MROH2A: variants seen among roughly 807,000 people sequenced by gnomAD.
The protein encoded by MROH2A is maestro heat-like repeat-containing protein family member 2A.
Under a neutral mutation model 200.4 loss-of-function variants are expected in MROH2A, and 174 were observed. The observed-to-expected ratio is 0.87, with a 90% CI of 0.77 to 0.98. The LOEUF is 0.98. Among genes scored for constraint, MROH2A ranks in the 50% least tolerant of loss-of-function variants. The pLI, the probability that MROH2A is intolerant of heterozygous loss-of-function variation, is 0.00. For synonymous variants in MROH2A, 829 were observed against 840.4 expected, an observed-to-expected ratio of 0.99 and a Z score of 0.23; for missense variants, 2,045 against 2,139.6, an observed-to-expected ratio of 0.96 and a Z score of 0.87.
chr2:233,823,172 G>A (rs141682322), intron 34 of MROH2A, among the ~76,000 whole-genome samples, 154 bp downstream of exon 34: 1 of 152,220 alleles, frequency 6.6e-6, no homozygotes, highest in African/African-American at 2.4e-5. Context: ...GGATGGCAGT[G>A]GTGTGCAAGA....
upstream of MROH2A, among the ~76,000 whole-genome samples, chr2:233,777,221 G>A (rs1260420561): frequency 6.6e-6 from 1 of 152,192 alleles, no homozygotes; most frequent in East Asian, 1.9e-4. Flanking sequence ...CACTTTTCAT[G>A]TGTTGAGTCT....
Position 233,822,222 on chromosome 2 carries a change from C to T in MROH2A, c.3611C>T (p.Pro1204Leu), listed in dbSNP as rs1050114712. ...LMGRLQSRLSPRISATSKADI... is the reference protein window; with the variant it reads ...LMGRLQSRLSLRISATSKADI... Reference sequence around the variant, plus strand: ...GGCCGGCTGCAGTCACGGCTCAGCCCCAGAATCAGTGCCACCTCCAAGGCT... The same window carrying T: ...GGCCGGCTGCAGTCACGGCTCAGCCTCAGAATCAGTGCCACCTCCAAGGCT... The change falls in exon 32 of 42, where the codon CCC becomes CTC. Residue 1204 changes from proline to leucine, a missense_variant. Physicochemically the swap from Pro to Leu is moderately conservative, Grantham distance 98. Around this residue, in one of 3 missense-constraint regions of MROH2A, gnomAD observed 1,201 missense variants for 1,311.3 expected, o/e 0.92. Transcript: ENST00000389758. 5.8e-6 allele frequency: 9 copies of T among 1,548,166 alleles called. No individual in the cohort carries two copies. The highest frequency in any genetic ancestry group is 7.8e-6 in the Non-Finnish European group (9 of 1,147,000).
chr2:233,794,298 T>G, intron 7 of MROH2A, 65 bp from the exon 8 acceptor site: 12 of 1,202,442 alleles, frequency 1.0e-5, no homozygotes, highest in Non-Finnish European at 1.3e-5. Context: ...TGGCTGGGGC[T>G]GAGGTCACTG....
chr2:233,800,185 C>A lies in MROH2A; in HGVS notation c.1450-20C>A. 6.6e-7 allele frequency: 1 copy of A among 1,514,286 alleles called. No homozygotes were observed. Among genetic ancestry groups the A allele is most frequent in the Non-Finnish European group, 8.9e-7 (1 of 1,119,196 alleles). The allele number at this position is 1,514,286 out of a possible 1,614,324, so 93.8% of individuals were successfully genotyped here. On this transcript the variant is annotated intron_variant, in intron 13 of 41. Transcript: ENST00000389758. ...CCTCTGCTAGGCCACAGGTGGGAAT[C>A]CCTTGGTTCTTTCTTCCAGACAAAT...
Position 233,793,653 on chromosome 2 carries a change from T to C in MROH2A, c.671-20T>C. 7.4e-7 allele frequency: 1 copy of C among 1,356,252 alleles called. No individual in the cohort carries two copies. Among genetic ancestry groups the C allele is most frequent in the Non-Finnish European group, 9.5e-7 (1 of 1,047,972 alleles). The allele number at this position is 1,356,252 out of a possible 1,614,324, so 84.0% of individuals were successfully genotyped here. ...CCAGCCCCTCTGGCGCCAAGTGCATTCCCCTGTTGCTGTTGGTAGCCATGG... is the reference window on the plus strand; with the variant it reads ...CCAGCCCCTCTGGCGCCAAGTGCATCCCCCTGTTGCTGTTGGTAGCCATGG... On this transcript the variant is annotated intron_variant, in intron 6 of 41. Transcript: ENST00000389758.
rs1170837067 is a variant in MROH2A, at chr2:233,804,468, T to C, written c.1892-27T>C. On this transcript the variant is annotated intron_variant, in intron 17 of 41. Coordinates refer to ENST00000389758, the MANE Select transcript of MROH2A (RefSeq NM_001394639.1). ...AGGGGAGCAGTGGAAGAAAGTGGCA[T>C]GTGTGACCATACATGTGTTCCTGCA... The C allele has an allele frequency of 2.6e-6, 4 of 1,550,868 alleles. No homozygotes were observed. The South Asian group carries it at 4.8e-5, about 18-fold the overall frequency.
chr2:233,798,058 C>G (rs867426681), intron 11 of MROH2A, among the ~76,000 whole-genome samples: 1 of 152,174 alleles, frequency 6.6e-6, no homozygotes, highest in Non-Finnish European at 1.5e-5. Flanking sequence ...TTTTCCTACT[C>G]TGGGGTTGAC....
Position 233,796,100 on chromosome 2 carries a change from G to T in MROH2A, c.1138+55G>T, listed in dbSNP as rs759172. On this transcript the variant is annotated intron_variant, in intron 10 of 41. Coordinates refer to ENST00000389758, the MANE Select transcript of MROH2A (RefSeq NM_001394639.1). ...CTGCCCCGAGGCCTGCAGGAGGCCTGTAGGAGTCCCGGCCCCTCTGAGCGC... is the reference window on the plus strand; with the variant it reads ...CTGCCCCGAGGCCTGCAGGAGGCCTTTAGGAGTCCCGGCCCCTCTGAGCGC... 3.3e-6 allele frequency: 5 copies of T among 1,535,848 alleles called. No homozygotes were observed. The African/African-American group carries it at 5.5e-5, about 17-fold the overall frequency.
intron 21 of MROH2A, among the ~76,000 whole-genome samples, chr2:233,808,521 T>G (rs769876959): frequency 6.6e-6 from 1 of 151,952 alleles, no homozygotes; most frequent in African/African-American, 2.4e-5. Flanking sequence ...TGGGGTCTGG[T>G]TGTTTGGATG....
intron 7 of MROH2A, 21 bp from the exon 8 acceptor site, chr2:233,794,342 A>C: frequency 3.9e-6 from 6 of 1,531,928 alleles, no homozygotes; most frequent in Non-Finnish European, 5.3e-6. Flanking sequence ...AATGCGTCCC[A>C]GAGCTGGTTT....
intron 27 of MROH2A, among the ~76,000 whole-genome samples, chr2:233,817,610 C>A (rs1703626165): frequency 6.6e-6 from 1 of 152,230 alleles, no homozygotes; most frequent in Non-Finnish European, 1.5e-5. Context: ...CCATCATCAT[C>A]TCCACTGTGC....
intron 41 of MROH2A, 103 bp downstream of exon 41, chr2:233,832,747 T>C (rs1343184334): frequency 5.1e-6 from 2 of 394,884 alleles, no homozygotes; most frequent in South Asian, 2.0e-5. Context: ...CCCTTTGCTG[T>C]GGGGTTTCGG....
chr2:233,782,544 T>C (rs1000337879), intron 3 of MROH2A, among the ~76,000 whole-genome samples: 3 of 152,260 alleles, frequency 2.0e-5, no homozygotes, highest in Non-Finnish European at 2.9e-5. Flanking sequence ...CTAATGTTAC[T>C]GATTTTTGTA....
At chr2:233,805,615 G>A (rs1370108361) in intron 19 of MROH2A, among the ~76,000 whole-genome samples, 1 of 151,848 alleles carries the variant, frequency 6.6e-6, no homozygotes, top group East Asian at 2.0e-4. Flanking sequence ...ATGAGAAGAA[G>A]AATAAAGTTG....
Position 233,789,955 on chromosome 2 carries a change from C to T in MROH2A, c.512C>T (p.Pro171Leu). 6.4e-7 allele frequency: 1 copy of T among 1,550,472 alleles called. No homozygotes were observed. The highest frequency in any genetic ancestry group is 8.7e-7 in the Non-Finnish European group (1 of 1,146,940). ...TACGAGCTGCAGCACCACCTCAAGC[C>T]CCTCAACCTCACTGATGAATTTGTC... The part of the protein sequence containing the change: ...VMYELQHHLK[P>L]LNLTDEFVII... Residue 171 changes from proline (P) to leucine (L), a missense_variant, in exon 5 of 42, where the codon CCC becomes CTC. Physicochemically the swap from Pro to Leu is moderately conservative, Grantham distance 98. Coordinates refer to ENST00000389758, the MANE Select transcript of MROH2A (RefSeq NM_001394639.1).
chr2:233,800,262 G>A lies in MROH2A; in HGVS notation c.1507G>A (p.Val503Ile), dbSNP rs1446335672. The A allele has an allele frequency of 2.6e-6, 4 of 1,550,340 alleles. No individual in the cohort carries two copies. The highest frequency in any genetic ancestry group is 3.5e-6 in the Non-Finnish European group (4 of 1,146,876). Residue 503 changes from valine (V) to isoleucine (I), a missense_variant, in exon 14 of 42, where the codon GTC (valine) becomes ATC (isoleucine). By Grantham distance (29) the Val-to-Ile change is conservative (BLOSUM62 3). Transcript: ENST00000389758. ...RDLEERMVHK[V>I]TMDTVKIITS... Reference sequence around the variant, plus strand: ...CTTGGAGGAGAGGATGGTCCACAAAGTCACCATGGACACTGTGAAGATCAT... The same window carrying A: ...CTTGGAGGAGAGGATGGTCCACAAAATCACCATGGACACTGTGAAGATCAT...
chr2:233,811,929 C>A lies in MROH2A; in HGVS notation c.2621C>A (p.Ala874Asp), dbSNP rs1559467888. 1.9e-6 allele frequency: 3 copies of A among 1,550,160 alleles called. No individual in the cohort carries two copies. The highest frequency in any genetic ancestry group is 2.4e-5 in the South Asian group (2 of 84,066). ...PTDNLVSPVR[A>D]LAMEALSHLS... ...GACAACCTGGTTTCTCCAGTGCGAG[C>A]CTTGGCGATGGAGGCCCTCTCGCAC... Residue 874 changes from alanine to aspartate, a missense_variant, in exon 24 of 42, where the codon GCC becomes GAC. Ala to Asp is a moderately radical substitution (Grantham distance 126). Coordinates refer to ENST00000389758, the MANE Select transcript of MROH2A (RefSeq NM_001394639.1).
chr2:233,829,063 C>T lies in MROH2A; in HGVS notation c.4437C>T (p.Phe1479=). The change falls in exon 37 of 42, where the codon TTC becomes TTT. Residue 1479 remains phenylalanine, a synonymous_variant. Coordinates refer to ENST00000389758, the MANE Select transcript of MROH2A (RefSeq NM_001394639.1). ...FDAMSEQCRI[F]FDNESELLRL... The stretch of plus-strand genomic sequence containing the variant: ...CCATGTCTGAGCAGTGCAGGATCTT[C>T]TTCGACAACGTGAGTCCGATGAGAG... 6.6e-7 allele frequency: 1 copy of T among 1,518,852 alleles called. No individual in the cohort carries two copies. Among genetic ancestry groups the T allele is most frequent in the Non-Finnish European group, 8.9e-7 (1 of 1,129,672 alleles). The allele number at this position is 1,518,852 out of a possible 1,614,324, so 94.1% of individuals were successfully genotyped here. A position where few individuals can be genotyped will look rare whatever the true frequency, so the allele number is the denominator to read the frequency against.
chr2:233,804,538 G>A lies in MROH2A; in HGVS notation c.1935G>A (p.Lys645=). 2 of 1,551,306 alleles carry A rather than the reference G, an allele frequency of 1.3e-6. No individual in the cohort carries two copies. The highest frequency in any genetic ancestry group is 1.4e-5 in the African/African-American group (1 of 73,176). The stretch of plus-strand genomic sequence containing the variant: ...GGGATCAGAAAGCCTGGGAAGACAA[G>A]CTGATTCAGGTAAACGGGTAACAAG... ...FTWDQKAWED[K]LIQFLRNSLK... Residue 645 remains lysine (K), a synonymous_variant, in exon 18 of 42, where the codon AAG becomes AAA. Transcript: ENST00000389758.
Sources: allele counts gnomAD v4.1 joint callset (sites outside exome capture counted in the v4.1 genomes callset), GRCh38; gene constraint gnomAD v4.1.1; regional missense constraint gnomAD v4.1.1; transcripts MANE v1.5; gene names NCBI Gene and HGNC (gene_info 2026-07-23, HGNC 2026-07-21).